SBK1: variants seen among roughly 807,000 people sequenced by gnomAD.
The protein encoded by SBK1 is SH3 domain binding kinase 1.
SBK1 carries 11 observed loss-of-function variants against 24.4 expected under a neutral mutation model. That is an observed-to-expected ratio of 0.45 (90% CI 0.28 to 0.75). The LOEUF (loss-of-function observed/expected upper bound fraction) is 0.75, where lower values mean the gene tolerates loss of function less well. Ranked by LOEUF, SBK1 falls within the 30% of genes least tolerant of loss-of-function variation. SBK1 has a pLI of 0.12. For synonymous variants in SBK1, 308 were observed against 284.4 expected (o/e 1.08, Z -0.83); for missense variants, 467 against 620.5 (o/e 0.75, Z 2.63).
intron 1 of SBK1, among the ~76,000 whole-genome samples, chr16:28,294,831 G>A (rs142124438): frequency 6.6e-6 from 1 of 152,350 alleles, no homozygotes; most frequent in Non-Finnish European, 1.5e-5. Context: ...ACCTCTGGCA[G>A]CCTCTCCTGC....
chr16:28,304,320 C>A (rs1231037584), intron 1 of SBK1, among the ~76,000 whole-genome samples: 3 of 152,124 alleles, frequency 2.0e-5, no homozygotes, highest in African/African-American at 7.2e-5. Flanking sequence ...CTGGACAGGC[C>A]TTGGTGCTGT....
At chr16:28,299,909 C>T (rs1202622008) in intron 1 of SBK1, among the ~76,000 whole-genome samples, 1 of 152,232 alleles carries the variant, frequency 6.6e-6, no homozygotes, top group Non-Finnish European at 1.5e-5. Context: ...TCCCTGTGCA[C>T]ACAGCAGGTC....
At chr16:28,304,201 A>T (rs1250585456) in intron 1 of SBK1, among the ~76,000 whole-genome samples, 1 of 152,210 alleles carries the variant, frequency 6.6e-6, no homozygotes, top group Non-Finnish European at 1.5e-5. Context: ...ATGGCAGTAC[A>T]TCCATATATG....
In SBK1 at chr16:28,319,551, G is replaced by A. The variant is rs536829803; in HGVS notation, c.429+354G>A. On this transcript the variant is annotated intron_variant, in intron 3 of 3. Transcript: ENST00000341901. This position sits in a 1 kb window ranked among gnomAD's most constrained non-coding sequence, Gnocchi z 4.0. ...GAGGAAGCGACCCTGGAACCGGGAC[G>A]GTGGGGGAGGGTTCCAGGCACTAGC... 6.6e-6 allele frequency among the ~76,000 whole-genome samples: 1 copy of A among 152,228 alleles called. No homozygotes were observed. The highest frequency in any genetic ancestry group is 2.4e-5 in the African/African-American group (1 of 41,548).
Position 28,320,501 on chromosome 16 carries a change from C to A in SBK1, c.855C>A (p.Thr285=). The change falls in exon 4 of 4, where the codon ACC becomes ACA. Residue 285 remains threonine (T), a synonymous_variant. Transcript: ENST00000341901. This position sits in a 1 kb window ranked among gnomAD's most constrained non-coding sequence, Gnocchi z 8.5. ...TGCCTTCGCAGTGGCGCCGCTTCAC[C>A]GAGCCCGCGCTGCGCATGTTCCAGC... The part of the protein sequence containing the change: ...PGLPSQWRRF[T]EPALRMFQRL... The A allele has an allele frequency of 1.3e-6, 2 of 1,569,636 alleles. No individual in the cohort carries two copies. The highest frequency in any genetic ancestry group is 1.7e-4 in the Middle Eastern group (1 of 5,804).
At chr16:28,308,028 G>A (rs1415730008) in intron 1 of SBK1, among the ~76,000 whole-genome samples, 1 of 152,136 alleles carries the variant, frequency 6.6e-6, no homozygotes, top group Non-Finnish European at 1.5e-5. Context: ...TTACAGGCTG[G>A]TCACTCTCCA....
At chr16:28,305,529 C>T (rs2044710310) in intron 1 of SBK1, among the ~76,000 whole-genome samples, 1 of 146,822 alleles carries the variant, frequency 6.8e-6, no homozygotes, top group Non-Finnish European at 1.5e-5. Flanking sequence ...GTCTCTCTTT[C>T]TTTGTTTCTT....
chr16:28,273,501 G>A (rs1314591031), intron 1 of SBK1, among the ~76,000 whole-genome samples: 2 of 152,214 alleles, frequency 1.3e-5, no homozygotes, highest in African/African-American at 4.8e-5. Context: ...TGGGATTACA[G>A]GCATGAGCCA....
Position 28,317,910 on chromosome 16 carries a change from T to A in SBK1, c.226+293T>A, listed in dbSNP as rs896216892. ...GACAGCCAAGGGGCTGTGCCAGGAG[T>A]GTCTGGGGAGGGCAGGGCTGCCGGC... On this transcript the variant is annotated intron_variant, in intron 2 of 3. Coordinates refer to ENST00000341901, the MANE Select transcript of SBK1 (RefSeq NM_001024401.3). The surrounding 1 kb of genome is among the most constrained non-coding windows in gnomAD (Gnocchi z 4.2). 1.3e-5 allele frequency among the ~76,000 whole-genome samples: 2 copies of A among 148,610 alleles called. No homozygotes were observed. Among genetic ancestry groups the A allele is most frequent in the Admixed American group, 6.7e-5 (1 of 14,958 alleles).
rs2141593960 is a variant in SBK1, at chr16:28,321,245, A to T, written c.*324A>T. On this transcript the variant is annotated 3_prime_UTR_variant, in exon 4 of 4. Transcript: ENST00000341901. ...CACACACACACACACACACGCCAGG[A>T]GCAAGGGAGCTTTCGGGCCACACTC... is the stretch of plus-strand genomic sequence containing the variant. 1 of 176,162 alleles carries T rather than the reference A, an allele frequency of 5.7e-6. No homozygotes were observed. Among genetic ancestry groups the T allele is most frequent in the South Asian group, 1.9e-4 (1 of 5,260 alleles). 10.9% of individuals were successfully genotyped at this position (176,162 alleles called of 1,614,324 possible). A position where few individuals can be genotyped will look rare whatever the true frequency, so the allele number is the denominator to read the frequency against.
At chr16:28,268,422 G>T (rs1034602078) in intron 1 of SBK1, among the ~76,000 whole-genome samples, 3 of 148,258 alleles carry the variant, frequency 2.0e-5, no homozygotes, top group Non-Finnish European at 4.4e-5. Flanking sequence ...TTTAAAAATG[G>T]GTTTTTTTTT....
chr16:28,284,868 A>G (rs1433554162), intron 1 of SBK1: 3 of 152,254 alleles, frequency 2.0e-5, no homozygotes, highest in African/African-American at 7.2e-5. Flanking sequence ...AAACAGTGAA[A>G]GAATTTACAC....
At chr16:28,292,340 G>T (rs1275042857), upstream of SBK1, among the ~76,000 whole-genome samples, 6 of 140,784 alleles carry the variant, frequency 4.3e-5, no homozygotes, top group Non-Finnish European at 9.4e-5. Context: ...GGGTGGGGGC[G>T]CCGCGCGGGG....
At chr16:28,309,074 C>G (rs575482285) in intron 1 of SBK1, among the ~76,000 whole-genome samples, 4 of 152,262 alleles carry the variant, frequency 2.6e-5, no homozygotes, top group Admixed American at 2.6e-4. Flanking sequence ...GCTCCCACAA[C>G]AATGCAGACG....
intron 1 of SBK1, among the ~76,000 whole-genome samples, chr16:28,305,841 C>A (rs1436999802): frequency 6.6e-6 from 1 of 152,186 alleles, no homozygotes; most frequent in Admixed American, 6.5e-5. Flanking sequence ...GCACCCAGCC[C>A]TGATCTTTCT....
chr16:28,294,792 C>T (rs1031845236), intron 1 of SBK1, among the ~76,000 whole-genome samples: 17 of 152,326 alleles, frequency 1.1e-4, no homozygotes, highest in African/African-American at 3.4e-4. Flanking sequence ...CAGCTGGAGA[C>T]GAGGGTAGGG....
At chr16:28,286,807 C>T (rs879383665) in intron 1 of SBK1, 1 of 151,976 alleles carries the variant, frequency 6.6e-6, no homozygotes, top group East Asian at 2.0e-4. Flanking sequence ...TTCCCAAAGC[C>T]TGGAGTCTAT....
rs762139356 is a variant in SBK1, at chr16:28,317,611, G to A, written c.220G>A (p.Gly74Ser). The A allele has an allele frequency of 2.5e-6, 4 of 1,610,594 alleles. No homozygotes were observed. The highest frequency in any genetic ancestry group is 2.2e-5 in the East Asian group (1 of 44,872). The stretch of plus-strand genomic sequence containing the variant: ...GAAGGTTGACCTGGTGGTCTACAAG[G>A]GCACAGGTGAACAAGTGCAGGGTGG... ...YGKVDLVVYK[G>S]TGTKMALKFV... Residue 74 changes from glycine to serine, a missense_variant, in exon 2 of 4, where the codon GGC becomes AGC. By Grantham distance (56) the Gly-to-Ser change is moderately conservative. Around this residue, in one of 4 missense-constraint regions of SBK1, gnomAD observed 123 missense variants for 158.2 expected, o/e 0.78. Transcript: ENST00000341901. This position sits in a 1 kb window ranked among gnomAD's most constrained non-coding sequence, Gnocchi z 4.2.
Position 28,320,711 on chromosome 16 carries a change from G to A in SBK1, c.1065G>A (p.Val355=). The change falls in exon 4 of 4, where the codon GTG becomes GTA. Residue 355 remains valine (V), a synonymous_variant. Coordinates refer to ENST00000341901, the MANE Select transcript of SBK1 (RefSeq NM_001024401.3). The surrounding 1 kb of genome is among the most constrained non-coding windows in gnomAD (Gnocchi z 8.5). ...CGCCTGGGCCGCTCAAGCGGACGGT[G>A]CTGACCGAGAGCGGCAGCGGCTCCC... ...LEAPGPLKRT[V]LTESGSGSRP... The A allele has an allele frequency of 1.8e-6, 2 of 1,139,862 alleles. No individual in the cohort carries two copies. The highest frequency in any genetic ancestry group is 2.2e-6 in the Non-Finnish European group (2 of 925,590). 70.6% of individuals were successfully genotyped at this position (1,139,862 alleles called of 1,614,324 possible). A position where few individuals can be genotyped will look rare whatever the true frequency, so the allele number is the denominator to read the frequency against.
Sources: gnomAD v4.1 joint callset for allele counts (sites outside exome capture counted in the v4.1 genomes callset) on GRCh38, gnomAD v4.1.1 for gene constraint, gnomAD v4.1.1 regional missense constraint, Gnocchi (gnomAD v3.1) non-coding constraint, MANE v1.5 for transcripts, NCBI Gene and HGNC (gene_info 2026-07-23, HGNC 2026-07-21) for gene names.